The following NALF1 variants were observed in gnomAD, a reference collection of about 807,000 sequenced individuals.
NALF1 encodes the protein family with sequence similarity 155 member A.
In NALF1, 3 loss-of-function variants were observed where a neutral mutation model predicts 48.4. That is an observed-to-expected ratio of 0.06 (90% confidence interval 0.03 to 0.16). NALF1 has a LOEUF of 0.16. Ranked by LOEUF, NALF1 falls within the 10% of genes least tolerant of loss-of-function variation. The pLI is 1.00. For synonymous variants in NALF1, 262 were observed against 245.7 expected, an observed-to-expected ratio of 1.07 and a Z score of -0.62; for missense variants, 526 against 571.5, an observed-to-expected ratio of 0.92 and a Z score of 0.81.
chr13:107,409,502 G>C (rs965108577), intron 1 of NALF1, among the ~76,000 whole-genome samples: 2 of 152,138 alleles, frequency 1.3e-5, no homozygotes, highest in African/African-American at 4.8e-5. Flanking sequence ...GAATGGGTGT[G>C]AATCAGTGAG....
chr13:107,344,004 A>G (rs576780670), intron 1 of NALF1, among the ~76,000 whole-genome samples: 72 of 152,236 alleles, frequency 4.7e-4, no homozygotes, highest in African/African-American at 1.7e-3. Context: ...ATCAGAAATG[A>G]AAGATGAGAC....
In NALF1 at chr13:107,866,722, T is replaced by TC. The variant is rs1880744551; in HGVS notation, c.-127dup. ...CTCCTCCCGTTTCTTCTCTCTCCTC[T>TC]CTCTCTTTCTCTCTCTTCCCCTCTC... On this transcript the variant is annotated 5_prime_UTR_variant, in exon 1 of 3. Coordinates refer to ENST00000375915, the MANE Select transcript of NALF1 (RefSeq NM_001080396.3). This position sits in a 1 kb window ranked among gnomAD's most constrained non-coding sequence, Gnocchi z 4.4. 3.4e-5 allele frequency: 10 copies of TC among 297,106 alleles called. No individual in the cohort carries two copies. The highest frequency in any genetic ancestry group is 8.9e-4 in the Middle Eastern group (1 of 1,128). The allele number at this position is 297,106 out of a possible 1,614,324, so 18.4% of individuals were successfully genotyped here.
intron 1 of NALF1, among the ~76,000 whole-genome samples, chr13:107,687,500 A>G (rs956863520): frequency 1.7e-4 from 8 of 46,678 alleles, no homozygotes; most frequent in African/African-American, 4.0e-4. Flanking sequence ...TCCAGTGCAC[A>G]TGCACACACA....
chr13:107,289,279 T>C (rs1420056384), intron 1 of NALF1, among the ~76,000 whole-genome samples: 3 of 152,208 alleles, frequency 2.0e-5, no homozygotes, highest in Non-Finnish European at 4.4e-5. Context: ...CTATGTTGTA[T>C]ATTTACACAT....
intron 1 of NALF1, among the ~76,000 whole-genome samples, chr13:107,457,123 T>C (rs925182725): frequency 6.6e-6 from 1 of 152,090 alleles, no homozygotes; most frequent in African/African-American, 2.4e-5. Context: ...CTTACTTAGC[T>C]TTTCCATTCA....
intron 2 of NALF1, 35 bp from the exon 3 acceptor site, chr13:107,170,821 G>A (rs775934707): frequency 1.7e-5 from 27 of 1,595,756 alleles, no homozygotes; most frequent in Non-Finnish European, 2.3e-5. Flanking sequence ...TCAGCAGGAA[G>A]GAAATACATT....
At chr13:107,569,483 G>GA (rs1458024153) in intron 1 of NALF1, among the ~76,000 whole-genome samples, 2 of 151,026 alleles carry the variant, frequency 1.3e-5, no homozygotes, top group Admixed American at 6.6e-5. Context: ...AAAAAAAAAA[G>GA]AAAAAAAGGG....
chr13:107,277,390 A>C (rs1197226881), intron 1 of NALF1, among the ~76,000 whole-genome samples: 1 of 152,196 alleles, frequency 6.6e-6, no homozygotes, highest in Non-Finnish European at 1.5e-5. Flanking sequence ...TCAGGAAAGA[A>C]AGCATGACAT....
In NALF1 at chr13:107,166,716, A is replaced by G. The variant is rs1878667173; in HGVS notation, c.*3781T>C. On this transcript the variant is annotated 3_prime_UTR_variant, in exon 3 of 3. Coordinates refer to ENST00000375915, the MANE Select transcript of NALF1 (RefSeq NM_001080396.3). ...CCCGGAAAAAAGTATGTACTTATTCATTCATATGAAACCTCCTTTCCCCCT... is the reference window on the plus strand; with the variant it reads ...CCCGGAAAAAAGTATGTACTTATTCGTTCATATGAAACCTCCTTTCCCCCT... The G allele has an allele frequency of 6.6e-6, 1 of 151,990 alleles. No individual in the cohort carries two copies. Among genetic ancestry groups the G allele is most frequent in the Non-Finnish European group, 1.5e-5 (1 of 68,006 alleles). The allele number at this position is 151,990 out of a possible 1,614,324, so 9.4% of individuals were successfully genotyped here. A position where few individuals can be genotyped will look rare whatever the true frequency, so the allele number is the denominator to read the frequency against.
At chr13:107,838,743 A>C (rs2138633316) in intron 1 of NALF1, among the ~76,000 whole-genome samples, 1 of 152,278 alleles carries the variant, frequency 6.6e-6, no homozygotes, top group Non-Finnish European at 1.5e-5. Flanking sequence ...TGGTTTAAAA[A>C]AAATACATGC....
At chr13:107,641,423 C>A (rs1276534139) in intron 1 of NALF1, among the ~76,000 whole-genome samples, 3 of 151,724 alleles carry the variant, frequency 2.0e-5, no homozygotes, top group Non-Finnish European at 4.4e-5. Flanking sequence ...GTTCCCAACC[C>A]AAAAAAAGAT....
At chr13:107,357,982 G>A (rs1882992115) in intron 1 of NALF1, among the ~76,000 whole-genome samples, 1 of 151,936 alleles carries the variant, frequency 6.6e-6, no homozygotes, top group Non-Finnish European at 1.5e-5. Context: ...ATCCCATTTG[G>A]GCCATGCATA....
chr13:107,493,013 G>A (rs1875197231), intron 1 of NALF1, among the ~76,000 whole-genome samples: 1 of 152,084 alleles, frequency 6.6e-6, no homozygotes, highest in Non-Finnish European at 1.5e-5. Flanking sequence ...GTGCAACAGT[G>A]GATCATCCAC....
At position 107,512,111 on chromosome 13, in the gene NALF1, T is replaced by C. The variant is rs559290497; in HGVS notation, c.916-301356A>G. Among the ~76,000 whole-genome samples the C allele has an allele frequency of 2.0e-5, 3 of 152,322 alleles. No individual in the cohort carries two copies. The South Asian group carries it at 6.2e-4, about 32-fold the overall frequency. On this transcript the variant is annotated intron_variant, in intron 1 of 2. Transcript: ENST00000375915. The stretch of plus-strand genomic sequence containing the variant: ...GATCTTTAGAAAAACCTGGTTTACT[T>C]TGGCTGGGTGTCGTGGCTCACGCCT...
intron 2 of NALF1, among the ~76,000 whole-genome samples, chr13:107,197,019 T>A (rs1467322115): frequency 1.3e-5 from 2 of 152,142 alleles, no homozygotes; most frequent in Non-Finnish European, 2.9e-5. Context: ...GGAAGGGACT[T>A]AAGATCACAT....
Position 107,237,910 on chromosome 13 carries a change from C to T in NALF1, c.916-27155G>A, listed in dbSNP as rs191731418. 1.6e-3 allele frequency among the ~76,000 whole-genome samples: 238 copies of T among 152,246 alleles called. 1 individual carries two copies. Among genetic ancestry groups the T allele is most frequent in the African/African-American group, 5.0e-3 (206 of 41,552 alleles). ...AGGAGAGATATATTCCCTATCTCAG[C>T]AGAGAGATTGGTGTTTAATATACAC... On this transcript the variant is annotated intron_variant, in intron 1 of 2. Coordinates refer to ENST00000375915, the MANE Select transcript of NALF1 (RefSeq NM_001080396.3).
intron 1 of NALF1, among the ~76,000 whole-genome samples, chr13:107,236,727 ATCT>A (rs1288143910): frequency 1.5e-5 from 2 of 131,878 alleles, no homozygotes; most frequent in Non-Finnish European, 3.3e-5. Flanking sequence ...CTATCTATCT[ATCT>A]ATCTATCATC....
intron 1 of NALF1, among the ~76,000 whole-genome samples, chr13:107,376,437 C>T (rs571810028): frequency 1.3e-5 from 2 of 152,138 alleles, no homozygotes; most frequent in Non-Finnish European, 2.9e-5. Flanking sequence ...TGTTGCTTCC[C>T]CCTGGACTCC....
intron 1 of NALF1, among the ~76,000 whole-genome samples, chr13:107,757,104 G>T (rs1456292049): frequency 1.3e-5 from 2 of 152,206 alleles, no homozygotes; most frequent in African/African-American, 4.8e-5. Context: ...CTTCTGATGA[G>T]ATGCAAGAAA....
Sources: gnomAD v4.1 joint callset for allele counts (sites outside exome capture counted in the v4.1 genomes callset) on GRCh38, gnomAD v4.1.1 for gene constraint, Gnocchi (gnomAD v3.1) non-coding constraint, MANE v1.5 for transcripts, NCBI Gene and HGNC (gene_info 2026-07-23, HGNC 2026-07-21) for gene names.